CRPPA: variants seen among roughly 807,000 people sequenced by gnomAD.
CRPPA encodes the protein D-ribitol-5-phosphate cytidylyltransferase.
In CRPPA, 43 loss-of-function variants were observed where a neutral mutation model predicts 52.0. That is an observed-to-expected ratio of 0.83 (90% CI 0.65 to 1.07). The LOEUF (loss-of-function observed/expected upper bound fraction) is 1.07, where lower values mean the gene tolerates loss of function less well. Ranked by LOEUF, CRPPA falls within the 50% of genes least tolerant of loss-of-function variation. The pLI, the probability that CRPPA is intolerant of heterozygous loss-of-function variation, is 0.00. For synonymous variants in CRPPA, 250 were observed against 203.5 expected (o/e 1.23, Z -1.94); for missense variants, 629 against 551.7 (o/e 1.14, Z -1.40).
At chr7:16,274,729 T>C (rs1784166384) in intron 6 of CRPPA, among the ~76,000 whole-genome samples, 1 of 152,160 alleles carries the variant, frequency 6.6e-6, no homozygotes, top group Non-Finnish European at 1.5e-5. Context: ...AAATTTGCTA[T>C]GTCTGTCTAT....
intron 9 of CRPPA, among the ~76,000 whole-genome samples, chr7:16,146,359 C>G (rs1050090242): frequency 6.6e-6 from 1 of 151,966 alleles, no homozygotes; most frequent in Non-Finnish European, 1.5e-5. Context: ...ACTAGACCTG[C>G]CTGACAAGAA....
chr7:16,144,221 C>T (rs998497989), intron 9 of CRPPA, among the ~76,000 whole-genome samples: 2 of 152,218 alleles, frequency 1.3e-5, no homozygotes, highest in South Asian at 4.1e-4. Flanking sequence ...GCCAAGAGCC[C>T]CTTTCACCAA....
intron 2 of CRPPA, among the ~76,000 whole-genome samples, chr7:16,400,754 C>A (rs551123559): frequency 6.6e-6 from 1 of 152,218 alleles, no homozygotes; most frequent in African/African-American, 2.4e-5. Context: ...GGCACATGAC[C>A]AATATGTGTG....
intron 2 of CRPPA, among the ~76,000 whole-genome samples, chr7:16,380,496 T>C (rs540076642): frequency 6.6e-6 from 1 of 152,228 alleles, no homozygotes; most frequent in Non-Finnish European, 1.5e-5. Flanking sequence ...AGAATGATGC[T>C]GGCCTCATAA....
intron 5 of CRPPA, among the ~76,000 whole-genome samples, chr7:16,300,782 T>C (rs778770114): frequency 5.3e-5 from 8 of 152,220 alleles, no homozygotes; most frequent in Non-Finnish European, 7.3e-5. Flanking sequence ...ACAGAAAGAC[T>C]GTCCCTAATG....
chr7:16,412,884 G>T (rs1265488930), intron 1 of CRPPA, among the ~76,000 whole-genome samples: 2 of 152,118 alleles, frequency 1.3e-5, no homozygotes, highest in East Asian at 3.9e-4. Context: ...TAACTCAAAA[G>T]TTATTTTCTC....
At chr7:16,230,810 G>A (rs1782773101) in intron 8 of CRPPA, among the ~76,000 whole-genome samples, 1 of 152,170 alleles carries the variant, frequency 6.6e-6, no homozygotes, top group African/African-American at 2.4e-5. Context: ...CTCTGTAGCA[G>A]GTGTGACAAT....
chr7:16,419,901 T>C (rs1045687094), intron 1 of CRPPA, among the ~76,000 whole-genome samples: 25 of 152,206 alleles, frequency 1.6e-4, no homozygotes, highest in African/African-American at 6.0e-4. Flanking sequence ...GAGACTGATT[T>C]GAGTAATAAT....
chr7:16,304,545 G>T (rs1378020372), intron 4 of CRPPA, among the ~76,000 whole-genome samples: 1 of 152,146 alleles, frequency 6.6e-6, no homozygotes, highest in Non-Finnish European at 1.5e-5. Context: ...GGAGGCTAAG[G>T]CAGGAGAATC....
intron 5 of CRPPA, among the ~76,000 whole-genome samples, chr7:16,294,911 AAAAC>A (rs1398144812): frequency 2.6e-5 from 4 of 152,062 alleles, no homozygotes; most frequent in African/African-American, 9.7e-5. Flanking sequence ...AAGGGATTCA[AAAAC>A]AAACAATCTT....
At chr7:16,203,833 TA>T (rs1562554871) in intron 9 of CRPPA, among the ~76,000 whole-genome samples, 1 of 152,200 alleles carries the variant, frequency 6.6e-6, no homozygotes, top group Non-Finnish European at 1.5e-5. Context: ...CCTCCTCCAG[TA>T]AATTTAGCTG....
chr7:16,249,916 G>C (rs2128409283), intron 8 of CRPPA, among the ~76,000 whole-genome samples: 1 of 152,194 alleles, frequency 6.6e-6, no homozygotes, highest in East Asian at 1.9e-4. Flanking sequence ...CAGAAGGTGG[G>C]TCATAACAAA....
intron 8 of CRPPA, among the ~76,000 whole-genome samples, chr7:16,234,978 A>C (rs185464164): frequency 2.0e-5 from 3 of 152,116 alleles, no homozygotes; most frequent in Non-Finnish European, 2.9e-5. Flanking sequence ...TAGTATTTCC[A>C]GAGGGCAAAC....
At chr7:16,323,143 T>C (rs947679110) in intron 3 of CRPPA, among the ~76,000 whole-genome samples, 1 of 152,000 alleles carries the variant, frequency 6.6e-6, no homozygotes, top group African/African-American at 2.4e-5. Flanking sequence ...CCATACGAAA[T>C]AGAAAACTTC....
chr7:16,304,579 T>C (rs1784866974), intron 4 of CRPPA, among the ~76,000 whole-genome samples: 2 of 152,016 alleles, frequency 1.3e-5, no homozygotes, highest in African/African-American at 4.8e-5. Flanking sequence ...AGGCAGAGGT[T>C]GCAGTGAGCT....
At chr7:16,121,591 G>A (rs1184069573) in intron 9 of CRPPA, among the ~76,000 whole-genome samples, 1 of 151,940 alleles carries the variant, frequency 6.6e-6, no homozygotes, top group East Asian at 1.9e-4. Flanking sequence ...GAATATTGAT[G>A]GAGGAATAAA....
intron 3 of CRPPA, among the ~76,000 whole-genome samples, chr7:16,320,919 C>A (rs1389616851): frequency 6.6e-6 from 1 of 152,126 alleles, no homozygotes; most frequent in Admixed American, 6.5e-5. Flanking sequence ...ATAGCTACAA[C>A]CATCACTCTT....
intron 9 of CRPPA, among the ~76,000 whole-genome samples, chr7:16,178,108 C>T (rs1781342113): frequency 6.6e-6 from 1 of 150,452 alleles, no homozygotes; most frequent in Non-Finnish European, 1.5e-5. Flanking sequence ...GAATTTAAGA[C>T]ACTGGAATAT....
intron 3 of CRPPA, among the ~76,000 whole-genome samples, chr7:16,309,554 C>CA (rs1349063507): frequency 6.6e-6 from 1 of 152,022 alleles, no homozygotes; most frequent in East Asian, 1.9e-4. Context: ...ATGTTTAAAT[C>CA]AAAAGGTGCT....
Sources: allele counts gnomAD v4.1 joint callset (sites outside exome capture counted in the v4.1 genomes callset), GRCh38; gene constraint gnomAD v4.1.1; transcripts MANE v1.5; gene names NCBI Gene and HGNC (gene_info 2026-07-23, HGNC 2026-07-21).